The following PCDH15 variants were observed in gnomAD, a reference collection of about 807,000 sequenced individuals.
The protein encoded by PCDH15 is protocadherin-15.
Under a neutral mutation model 178.5 loss-of-function variants are expected in PCDH15, and 129 were observed. The observed-to-expected ratio is 0.72, with a 90% CI of 0.63 to 0.84. The LOEUF is 0.84. Ranked by LOEUF, PCDH15 falls within the 40% of genes least tolerant of loss-of-function variation. The pLI is 0.00. For missense variants in PCDH15, 2,230 were observed against 2,099.9 expected, an observed-to-expected ratio of 1.06 and a Z score of -1.21; for synonymous variants, 800 against 732.0, an observed-to-expected ratio of 1.09 and a Z score of -1.50.
At chr10:55,106,085 T>A (rs1405600340) in intron 2 of PCDH15, among the ~76,000 whole-genome samples, 2 of 152,100 alleles carry the variant, frequency 1.3e-5, no homozygotes, top group African/African-American at 4.8e-5. Context: ...GTTGACTATT[T>A]CAATAGAAAC....
At chr10:54,788,489 GATAAA>G (rs1336112979) in intron 1 of PCDH15, among the ~76,000 whole-genome samples, 1 of 151,714 alleles carries the variant, frequency 6.6e-6, no homozygotes, top group East Asian at 1.9e-4. Context: ...TTTAACGGTA[GATAAA>G]ATAAATCAGA....
rs1024274930 is a variant in PCDH15 at position 55,522,942 on chromosome 10, T to C, written c.-156+104683A>G. On this transcript the variant is annotated intron_variant, in intron 2 of 5. Coordinates refer to the PCDH15 transcript ENST00000613346. ...GTTGATTTTTTGTAGTGGTATATTT[T>C]GATTCCATTCTAATTATCTTTTGTG... 2.6e-5 allele frequency among the ~76,000 whole-genome samples: 4 copies of C among 151,878 alleles called. 1 individual carries two copies. Among genetic ancestry groups the C allele is most frequent in the African/African-American group, 9.6e-5 (4 of 41,498 alleles).
At chr10:53,888,112 C>A (rs1272991105) in intron 26 of PCDH15, among the ~76,000 whole-genome samples, 4 of 150,982 alleles carry the variant, frequency 2.6e-5, no homozygotes, top group Non-Finnish European at 5.9e-5. Context: ...ATACTTTTCT[C>A]CAGCCCCTAA....
chr10:55,097,739 A>T (rs1842480386), intron 2 of PCDH15, among the ~76,000 whole-genome samples: 1 of 152,082 alleles, frequency 6.6e-6, no homozygotes, highest in African/African-American at 2.4e-5. Context: ...TAGATAGATA[A>T]AACAGAATCC....
Position 54,984,005 on chromosome 10 carries a change from G to A in PCDH15, c.-79-86505C>T, listed in dbSNP as rs111651100. On this transcript the variant is annotated intron_variant, in intron 2 of 5. Coordinates refer to the PCDH15 transcript ENST00000458638. ...CAAGGATTGAGGAAATGAGGAGGAG[G>A]CACCTAGAAAGTGTAAGTAGAGAAT... 8.7e-3 allele frequency among the ~76,000 whole-genome samples: 1,328 copies of A among 152,256 alleles called. 29 individuals carry two copies. The highest frequency in any genetic ancestry group is 0.03 in the African/African-American group (1,252 of 41,540).
chr10:54,220,202 T>C (rs1216636146), intron 9 of PCDH15, among the ~76,000 whole-genome samples: 1 of 152,138 alleles, frequency 6.6e-6, no homozygotes, highest in Non-Finnish European at 1.5e-5. Flanking sequence ...CAGAGAGTAA[T>C]ACTTACTAGC....
intron 2 of PCDH15, among the ~76,000 whole-genome samples, chr10:55,155,608 G>A (rs747130347): frequency 2.0e-5 from 3 of 151,630 alleles, no homozygotes; most frequent in Non-Finnish European, 4.4e-5. Flanking sequence ...AGTATTTCTT[G>A]ACAAGGTCTT....
chr10:53,925,554 C>G (rs949757804), intron 25 of PCDH15, among the ~76,000 whole-genome samples: 1 of 152,232 alleles, frequency 6.6e-6, no homozygotes, highest in Non-Finnish European at 1.5e-5. Flanking sequence ...TCTGAGTTAG[C>G]AGAATGGATC....
intron 11 of PCDH15, among the ~76,000 whole-genome samples, chr10:54,192,295 C>A (rs185018823): frequency 2.1e-3 from 314 of 151,674 alleles, no homozygotes; most frequent in African/African-American, 7.0e-3. Context: ...TTGAATAAAT[C>A]ACTCTAATGG....
At chr10:54,640,586 T>A (rs2093965865) in intron 2 of PCDH15, among the ~76,000 whole-genome samples, 1 of 152,156 alleles carries the variant, frequency 6.6e-6, no homozygotes, top group Non-Finnish European at 1.5e-5. Flanking sequence ...GAAACATTTT[T>A]ATGAAAAATA....
chr10:54,044,473 A>C (rs773059058), intron 18 of PCDH15, among the ~76,000 whole-genome samples: 30 of 152,094 alleles, frequency 2.0e-4, no homozygotes, highest in Non-Finnish European at 3.5e-4. Context: ...GTATCATTGA[A>C]AAGTTCAGTG....
At chr10:55,582,055 T>A (rs1842626117) in intron 2 of PCDH15, among the ~76,000 whole-genome samples, 1 of 152,200 alleles carries the variant, frequency 6.6e-6, no homozygotes, top group Non-Finnish European at 1.5e-5. Context: ...AAGCATTCTC[T>A]GTCCTGTGCC....
rs903813564 is a variant in PCDH15, at chr10:53,803,189, T to C, written c.*3390A>G. 4 of 151,944 alleles carry C rather than the reference T, an allele frequency of 2.6e-5. No individual in the cohort carries two copies. The highest frequency in any genetic ancestry group is 5.9e-5 in the Non-Finnish European group (4 of 67,862). The allele number at this position is 151,944 out of a possible 1,614,324, so 9.4% of individuals were successfully genotyped here. On this transcript the variant is annotated 3_prime_UTR_variant, in exon 38 of 38. Coordinates refer to ENST00000644397, the MANE Select transcript of PCDH15 (RefSeq NM_001384140.1). ...CCTATCCTTCAGCCTTATCGCTGTG[T>C]AATTTGCAGGCACCAATAGGCATCT...
chr10:55,551,730 T>A (rs1243631457), intron 2 of PCDH15, among the ~76,000 whole-genome samples: 1 of 151,772 alleles, frequency 6.6e-6, no homozygotes, highest in Non-Finnish European at 1.5e-5. Flanking sequence ...TTACTGTGGT[T>A]GATTTTAATT....
chr10:55,580,508 C>T (rs532579877), intron 2 of PCDH15, among the ~76,000 whole-genome samples: 91 of 152,138 alleles, frequency 6.0e-4, no homozygotes, highest in African/African-American at 2.1e-3. Flanking sequence ...CAGGTGCCCA[C>T]CACCATGCAC....
At chr10:54,179,643 CTG>C (rs1167557420) in intron 13 of PCDH15, among the ~76,000 whole-genome samples, 2 of 152,032 alleles carry the variant, frequency 1.3e-5, no homozygotes, top group African/African-American at 2.4e-5. Context: ...TTGTTTAAAA[CTG>C]TAACTCTCAA....
chr10:54,647,718 T>C (rs1292632903), intron 2 of PCDH15, among the ~76,000 whole-genome samples: 1 of 152,078 alleles, frequency 6.6e-6, no homozygotes, highest in African/African-American at 2.4e-5. Context: ...TTAAATAGAT[T>C]AAATAAGATA....
Position 54,631,562 on chromosome 10 carries a change from A to G in PCDH15, c.91+32610T>C, listed in dbSNP as rs544231761. Among the ~76,000 whole-genome samples the G allele has an allele frequency of 1.1e-4, 16 of 152,230 alleles. No homozygotes were observed. In the South Asian group the frequency reaches 2.7e-3, roughly 26 times the overall value. ...ATTTACGTGACTAGGGATACACACT[A>G]AGGAAAATAAATCATCCTACAAAAA... On this transcript the variant is annotated intron_variant, in intron 2 of 37. Transcript: ENST00000644397.
intron 2 of PCDH15, among the ~76,000 whole-genome samples, chr10:54,583,196 T>C (rs1384710267): frequency 1.3e-5 from 2 of 152,130 alleles, no homozygotes; most frequent in South Asian, 2.1e-4. Context: ...AATAAAATTA[T>C]ACCCTTGAAT....
Sources: allele counts gnomAD v4.1 joint callset (sites outside exome capture counted in the v4.1 genomes callset), GRCh38; gene constraint gnomAD v4.1.1; transcripts MANE v1.5; gene names NCBI Gene and HGNC (gene_info 2026-07-23, HGNC 2026-07-21).